Variants in UVRAG observed in about 807,000 individuals in gnomAD.
The protein encoded by UVRAG is UV radiation resistance associated.
Under a neutral mutation model 78.0 loss-of-function variants are expected in UVRAG, and 19 were observed. That is an observed-to-expected ratio of 0.24 (90% CI 0.17 to 0.36). The LOEUF (loss-of-function observed/expected upper bound fraction) is 0.36. UVRAG is among the 10% of genes least tolerant of loss of function. The probability of loss-of-function intolerance (pLI) is 1.00; values close to 1 mark genes in which losing one functional copy is unlikely to be tolerated. For synonymous variants in UVRAG, 323 were observed against 324.6 expected (o/e 1.00, Z 0.05); for missense variants, 740 against 853.8 (o/e 0.87, Z 1.66).
At chr11:76,085,816 A>G (rs1951579952) in intron 13 of UVRAG, among the ~76,000 whole-genome samples, 1 of 152,174 alleles carries the variant, frequency 6.6e-6, no homozygotes, top group Admixed American at 6.5e-5. Flanking sequence ...TGATCAAGGT[A>G]AGCAGGTTTG....
chr11:76,090,807 A>T (rs1380329038), intron 13 of UVRAG, among the ~76,000 whole-genome samples: 3 of 152,224 alleles, frequency 2.0e-5, no homozygotes, highest in African/African-American at 7.2e-5. Flanking sequence ...CATGTTAGAT[A>T]TACAATAAAT....
intron 6 of UVRAG, among the ~76,000 whole-genome samples, chr11:75,951,772 G>C (rs1379634708): frequency 6.6e-6 from 1 of 152,102 alleles, no homozygotes; most frequent in Non-Finnish European, 1.5e-5. Context: ...ATAAAATCTA[G>C]TAGTGTAAGC....
Position 75,860,457 on chromosome 11 carries a change from T to A in UVRAG, c.236-1289T>A, listed in dbSNP as rs115516173. On this transcript the variant is annotated intron_variant, in intron 2 of 14. Transcript: ENST00000356136. ...AACAACACAAGAATATATACAGTATTATGTAAAAATACCCTGTAATAAAAA... is the reference window on the plus strand; with the variant it reads ...AACAACACAAGAATATATACAGTATAATGTAAAAATACCCTGTAATAAAAA... Among the ~76,000 whole-genome samples, 765 of 152,360 alleles carry A rather than the reference T, an allele frequency of 5.0e-3. 7 individuals are homozygous for A. Among genetic ancestry groups the A allele is most frequent in the African/African-American group, 0.017 (721 of 41,596 alleles).
chr11:75,945,426 T>A (rs991969211), intron 6 of UVRAG, among the ~76,000 whole-genome samples: 5 of 152,098 alleles, frequency 3.3e-5, no homozygotes, highest in African/African-American at 4.8e-5. Flanking sequence ...ATAGATGATA[T>A]GAAGTCTAGA....
At chr11:76,105,581 C>T (rs574128694) in intron 13 of UVRAG, among the ~76,000 whole-genome samples, 22 of 148,996 alleles carry the variant, frequency 1.5e-4, no homozygotes, top group African/African-American at 5.7e-4. Context: ...AATGCTGTCT[C>T]TACAAAAAAA....
chr11:75,966,786 A>T (rs1949032518), intron 7 of UVRAG, among the ~76,000 whole-genome samples: 1 of 152,208 alleles, frequency 6.6e-6, no homozygotes, highest in African/African-American at 2.4e-5. Context: ...TTAGGCTCAA[A>T]CTGTCATGCC....
intron 1 of UVRAG, among the ~76,000 whole-genome samples, chr11:75,851,293 G>C (rs1010845865): frequency 2.6e-5 from 4 of 152,186 alleles, no homozygotes; most frequent in African/African-American, 9.7e-5. Flanking sequence ...TAGGAAGGAG[G>C]CCTGATTATG....
chr11:75,988,242 G>A (rs943672974), intron 8 of UVRAG, among the ~76,000 whole-genome samples: 3 of 152,116 alleles, frequency 2.0e-5, no homozygotes, highest in Non-Finnish European at 4.4e-5. Context: ...TTCTATCATT[G>A]TAAACAGCTT....
At chr11:75,988,863 C>G (rs931969594) in intron 8 of UVRAG, among the ~76,000 whole-genome samples, 7 of 152,120 alleles carry the variant, frequency 4.6e-5, no homozygotes, top group Admixed American at 3.9e-4. Flanking sequence ...TTTCTTTCCT[C>G]TGATGAAATG....
chr11:75,850,922 G>C (rs1441315346), intron 1 of UVRAG, among the ~76,000 whole-genome samples: 1 of 152,188 alleles, frequency 6.6e-6, no homozygotes, highest in Non-Finnish European at 1.5e-5. Flanking sequence ...GTATGTGCAC[G>C]GGAAAAAGAC....
chr11:75,996,429 A>T (rs574528468), intron 8 of UVRAG, among the ~76,000 whole-genome samples: 1 of 152,308 alleles, frequency 6.6e-6, no homozygotes, highest in East Asian at 1.9e-4. Context: ...TAGAGTCAAC[A>T]TGGCAGGTGT....
At chr11:75,963,392 A>G (rs1055600061) in intron 7 of UVRAG, among the ~76,000 whole-genome samples, 3 of 152,222 alleles carry the variant, frequency 2.0e-5, no homozygotes, top group Non-Finnish European at 4.4e-5. Flanking sequence ...GACAATAGAG[A>G]TGGATAATTT....
intron 1 of UVRAG, among the ~76,000 whole-genome samples, chr11:75,837,982 C>T (rs1013554874): frequency 6.6e-6 from 1 of 152,144 alleles, no homozygotes; most frequent in South Asian, 2.1e-4. Flanking sequence ...TGCCACCACT[C>T]GCCAGCCTGG....
chr11:76,041,496 C>T (rs1005619643), intron 12 of UVRAG, among the ~76,000 whole-genome samples: 1 of 152,196 alleles, frequency 6.6e-6, no homozygotes, highest in South Asian at 2.1e-4. Flanking sequence ...GAGCTAGATG[C>T]AGAATGGAAG....
intron 5 of UVRAG, among the ~76,000 whole-genome samples, chr11:75,897,658 G>A (rs1398434347): frequency 6.6e-6 from 1 of 151,392 alleles, no homozygotes; most frequent in East Asian, 1.9e-4. Flanking sequence ...CGAGTAGCTG[G>A]GATTATAGGC....
intron 6 of UVRAG, among the ~76,000 whole-genome samples, chr11:75,952,906 T>A (rs1948730298): frequency 1.3e-5 from 2 of 152,066 alleles, no homozygotes; most frequent in South Asian, 2.1e-4. Flanking sequence ...TGTGAGAAAA[T>A]TTTTAATTGC....
intron 3 of UVRAG, among the ~76,000 whole-genome samples, chr11:75,873,253 G>T (rs1050135758): frequency 6.6e-6 from 1 of 152,110 alleles, no homozygotes; most frequent in African/African-American, 2.4e-5. Context: ...TGAATCTTAA[G>T]CTATGCTTTC....
intron 1 of UVRAG, chr11:75,838,838 A>G (rs2135836791): frequency 6.6e-6 from 1 of 152,332 alleles, no homozygotes; most frequent in South Asian, 2.1e-4. Flanking sequence ...TGATGAGTGG[A>G]TTAATCCATT....
intron 12 of UVRAG, among the ~76,000 whole-genome samples, chr11:76,042,579 G>C (rs639223): frequency 0.9 from 136,264 of 152,202 alleles, 61,409 homozygotes; most frequent in Middle Eastern, 0.95. Flanking sequence ...TGATCCCACT[G>C]CACTCAACAG....
Sources: gnomAD v4.1 joint callset for allele counts (sites outside exome capture counted in the v4.1 genomes callset) on GRCh38, gnomAD v4.1.1 for gene constraint, MANE v1.5 for transcripts, NCBI Gene and HGNC (gene_info 2026-07-23, HGNC 2026-07-21) for gene names.